The following PCED1B variants were observed in gnomAD, a reference collection of about 807,000 sequenced individuals.
PCED1B encodes the protein PC-esterase domain-containing protein 1B.
For missense variants in PCED1B, 573 were observed against 573.9 expected, an observed-to-expected ratio of 1.00 and a Z score of 0.02; for synonymous variants, 251 against 246.1, an observed-to-expected ratio of 1.02 and a Z score of -0.19.
Position 47,235,016 on chromosome 12 carries a change from G to A in PCED1B, c.-48G>A, listed in dbSNP as rs746284450. The A allele has an allele frequency of 4.7e-6, 7 of 1,483,460 alleles. No individual in the cohort carries two copies. Among genetic ancestry groups the A allele is most frequent in the African/African-American group, 1.4e-5 (1 of 71,128 alleles). The allele number at this position is 1,483,460 out of a possible 1,614,324, so 91.9% of individuals were successfully genotyped here. ...TCTCCTTCTGTCCTAGCCATCCGCA[G>A]AGCCATCCTGTGCAAAGGAAGGAGC... On this transcript the variant is annotated 5_prime_UTR_variant, in exon 4 of 4. Transcript: ENST00000546455.
chr12:47,181,569 G>A (rs1341065447), intron 2 of PCED1B, among the ~76,000 whole-genome samples: 1 of 151,814 alleles, frequency 6.6e-6, no homozygotes, highest in African/African-American at 2.4e-5. Context: ...GTTTCACCAT[G>A]TTGGCCAGGC....
chr12:47,133,084 A>G (rs547550775), intron 2 of PCED1B, among the ~76,000 whole-genome samples: 1 of 152,306 alleles, frequency 6.6e-6, no homozygotes, highest in East Asian at 1.9e-4. Context: ...TTTTCTTTAC[A>G]TGTAGTTCCA....
In PCED1B at chr12:47,216,706, T is replaced by G. The variant is rs1943269038; in HGVS notation, c.-58+17T>G. The G allele has an allele frequency of 6.6e-6, 1 of 152,220 alleles. No individual in the cohort carries two copies. The highest frequency in any genetic ancestry group is 2.4e-5 in the African/African-American group (1 of 41,450). 9.4% of individuals were successfully genotyped at this position (152,220 alleles called of 1,614,324 possible). On this transcript the variant is annotated intron_variant, in intron 3 of 3. Transcript: ENST00000546455. ...CTTTAATGAGTAAGTACTTTTCAGT[T>G]TTTCCATTTTATCTGAAACTTTAAG...
At chr12:47,173,416 G>A (rs1379656069) in intron 2 of PCED1B, among the ~76,000 whole-genome samples, 1 of 152,034 alleles carries the variant, frequency 6.6e-6, no homozygotes, top group East Asian at 1.9e-4. Flanking sequence ...ACCACGCCCA[G>A]CTAATTTTTG....
intron 2 of PCED1B, among the ~76,000 whole-genome samples, chr12:47,154,725 T>C (rs376014919): frequency 1.8e-4 from 27 of 151,874 alleles, no homozygotes; most frequent in African/African-American, 5.6e-4. Context: ...GGGATCATCA[T>C]GTGAAGTCTC....
intron 3 of PCED1B, among the ~76,000 whole-genome samples, chr12:47,217,589 T>C (rs1287391671): frequency 6.6e-6 from 1 of 152,094 alleles, no homozygotes; most frequent in Admixed American, 6.5e-5. Context: ...TTGTTTTTGT[T>C]TTTTTGTGAT....
At chr12:47,111,238 TC>T (rs1327678766) in intron 2 of PCED1B, among the ~76,000 whole-genome samples, 1 of 152,130 alleles carries the variant, frequency 6.6e-6, no homozygotes, top group Non-Finnish European at 1.5e-5. Context: ...CTAGATGAGT[TC>T]ACTTTCTAGG....
intron 1 of PCED1B, among the ~76,000 whole-genome samples, chr12:47,100,205 G>A (rs1221989135): frequency 6.6e-6 from 1 of 152,120 alleles, no homozygotes; most frequent in African/African-American, 2.4e-5. Context: ...AAACGCAAGG[G>A]TAGTATTCAG....
At chr12:47,197,029 A>C (rs1211452041) in intron 2 of PCED1B, among the ~76,000 whole-genome samples, 3 of 151,258 alleles carry the variant, frequency 2.0e-5, no homozygotes, top group African/African-American at 7.3e-5. Flanking sequence ...AAAAAAAAAA[A>C]CAGATGATAG....
intron 1 of PCED1B, among the ~76,000 whole-genome samples, chr12:47,095,497 T>C (rs1164272204): frequency 6.6e-6 from 1 of 152,216 alleles, no homozygotes; most frequent in Non-Finnish European, 1.5e-5. Flanking sequence ...TGAATATTGC[T>C]TCTCCTCTAT....
chr12:47,233,652 TAA>T (rs1943880923), intron 3 of PCED1B, among the ~76,000 whole-genome samples: 1 of 152,202 alleles, frequency 6.6e-6, no homozygotes, highest in Non-Finnish European at 1.5e-5. Flanking sequence ...GTCTGATTGA[TAA>T]GAGTTGCTCC....
intron 1 of PCED1B, among the ~76,000 whole-genome samples, chr12:47,085,943 CT>C (rs1264559151): frequency 6.8e-5 from 10 of 147,392 alleles, no homozygotes; most frequent in Non-Finnish European, 1.2e-4. Context: ...CAGACCTCCC[CT>C]GTTTGAGGCA....
chr12:47,133,043 T>G (rs1294352278), intron 2 of PCED1B, among the ~76,000 whole-genome samples: 1 of 152,188 alleles, frequency 6.6e-6, no homozygotes, highest in Non-Finnish European at 1.5e-5. Flanking sequence ...TATAAGATAA[T>G]TTTCCCCTGT....
chr12:47,152,724 A>G (rs1941041254), intron 2 of PCED1B, among the ~76,000 whole-genome samples: 1 of 152,122 alleles, frequency 6.6e-6, no homozygotes, highest in African/African-American at 2.4e-5. Context: ...TGAGGTCAGG[A>G]GTTCAAGACA....
At chr12:47,100,199 G>T (rs1033635465) in intron 1 of PCED1B, among the ~76,000 whole-genome samples, 1 of 152,136 alleles carries the variant, frequency 6.6e-6, no homozygotes, top group Non-Finnish European at 1.5e-5. Context: ...ATCATTAAAC[G>T]CAAGGGTAGT....
At chr12:47,142,893 A>G (rs1427866006) in intron 2 of PCED1B, among the ~76,000 whole-genome samples, 1 of 152,178 alleles carries the variant, frequency 6.6e-6, no homozygotes. Context: ...GAGGCAAAAA[A>G]CTAATTTTAA....
chr12:47,147,539 A>G (rs1463415956), intron 2 of PCED1B, among the ~76,000 whole-genome samples: 1 of 151,882 alleles, frequency 6.6e-6, no homozygotes. Context: ...TTTACTCTCC[A>G]TATTTCTATT....
At chr12:47,143,800 C>CATACTTCTTGAT (rs1940684869) in intron 2 of PCED1B, among the ~76,000 whole-genome samples, 1 of 51,378 alleles carries the variant, frequency 1.9e-5, no homozygotes, top group South Asian at 6.9e-4. Context: ...CAAAGCTAGA[C>CATACTTCTTGAT]TTCAAATTAT....
intron 2 of PCED1B, among the ~76,000 whole-genome samples, chr12:47,132,584 T>C (rs540069725): frequency 1.3e-5 from 2 of 152,172 alleles, no homozygotes; most frequent in Non-Finnish European, 2.9e-5. Context: ...CATCTGACAG[T>C]GAAGTCAGTT....
Sources: gnomAD v4.1 joint callset for allele counts (sites outside exome capture counted in the v4.1 genomes callset) on GRCh38, gnomAD v4.1.1 for gene constraint, MANE v1.5 for transcripts, NCBI Gene and HGNC (gene_info 2026-07-23, HGNC 2026-07-21) for gene names.